The following PGAP1 variants were observed in gnomAD, a reference collection of about 807,000 sequenced individuals.
PGAP1 encodes GPI inositol-deacylase.
A neutral mutation model predicts 127.0 loss-of-function variants in PGAP1; 76 were observed. The ratio of observed to expected loss-of-function variants is 0.60; its 90% CI spans 0.50 to 0.72. The LOEUF is 0.72. PGAP1 is among the 30% of genes least tolerant of loss of function. The probability of loss-of-function intolerance (pLI) is 0.00; values close to 1 mark genes in which losing one functional copy is unlikely to be tolerated. For synonymous variants in PGAP1, 362 were observed against 366.5 expected (o/e 0.99, Z 0.14); for missense variants, 982 against 1,071.3 (o/e 0.92, Z 1.16).
At chr2:196,922,956 C>T (rs1291073634) in intron 1 of PGAP1, among the ~76,000 whole-genome samples, 1 of 151,994 alleles carries the variant, frequency 6.6e-6, no homozygotes, top group East Asian at 1.9e-4. Flanking sequence ...TCCCAAAGTG[C>T]TAGGATTACA....
At chr2:196,865,337 AG>A (rs1360431290) in intron 19 of PGAP1, among the ~76,000 whole-genome samples, 1 of 152,214 alleles carries the variant, frequency 6.6e-6, no homozygotes, top group Admixed American at 6.5e-5. Flanking sequence ...ACTGTTTTTC[AG>A]AACACACTGA....
At position 196,838,652 on chromosome 2, in the gene PGAP1, A is replaced by T. The variant is rs1007944464; in HGVS notation, c.*2582T>A. Reference sequence around the variant, plus strand: ...TCATTTTTGTAGTCCTTAAAATGAAATTTTTTTTGGCATAAATAATACTTT... The same window carrying T: ...TCATTTTTGTAGTCCTTAAAATGAATTTTTTTTTGGCATAAATAATACTTT... On this transcript the variant is annotated 3_prime_UTR_variant, in exon 27 of 27. Transcript: ENST00000354764. 6.6e-6 allele frequency: 1 copy of T among 152,054 alleles called. No homozygotes were observed. Among genetic ancestry groups the T allele is most frequent in the Non-Finnish European group, 1.5e-5 (1 of 68,000 alleles). 9.4% of individuals were successfully genotyped at this position (152,054 alleles called of 1,614,324 possible).
intron 11 of PGAP1, 137 bp from the exon 12 acceptor site, chr2:196,885,612 G>C (rs567570965): frequency 1.5e-6 from 1 of 647,824 alleles, no homozygotes; most frequent in South Asian, 3.4e-5. Flanking sequence ...AATATACTCT[G>C]TCCACATATT....
At chr2:196,890,736 G>A (rs1345321792) in intron 10 of PGAP1, 92 bp downstream of exon 10, 1 of 692,798 alleles carries the variant, frequency 1.4e-6, no homozygotes, top group Non-Finnish European at 2.5e-6. Context: ...AGATTTAATA[G>A]TAATATTTCA....
At chr2:196,920,866 G>A (rs955487118) in intron 1 of PGAP1, among the ~76,000 whole-genome samples, 1 of 152,014 alleles carries the variant, frequency 6.6e-6, no homozygotes, top group African/African-American at 2.4e-5. Flanking sequence ...CAATAATACA[G>A]CAGCTCACCT....
chr2:196,890,949 G>A (rs1358725325), intron 9 of PGAP1, 38 bp from the exon 10 acceptor site: 2 of 1,020,414 alleles, frequency 2.0e-6, no homozygotes, highest in East Asian at 2.4e-5. Flanking sequence ...TAGCTGTAAT[G>A]AGCAGATTAG....
Position 196,913,030 on chromosome 2 carries a change from A to G in PGAP1, c.501T>C (p.Ser167=). The change falls in exon 4 of 27, where the codon AGT becomes AGC. Residue 167 remains serine, a synonymous_variant. Transcript: ENST00000354764. ...CCATAGAATGACCAATTATTGCCAC[A>G]CTTTTTGGAGCAAATTCTTGACCCT... ...LYKGQEFAPK[S]VAIIGHSMGG... 1 of 1,609,674 alleles carries G rather than the reference A, an allele frequency of 6.2e-7. No individual in the cohort carries two copies. The highest frequency in any genetic ancestry group is 1.3e-5 in the African/African-American group (1 of 74,836).
At chr2:196,891,147 T>C (rs1213411211) in intron 9 of PGAP1, among the ~76,000 whole-genome samples, 1 of 152,174 alleles carries the variant, frequency 6.6e-6, no homozygotes, top group East Asian at 1.9e-4. Context: ...TACTTTTTTG[T>C]TGTTGTTTTA....
intron 1 of PGAP1, chr2:196,922,052 A>T: frequency 1.2e-6 from 1 of 856,976 alleles, no homozygotes; most frequent in Non-Finnish European, 1.5e-6. Flanking sequence ...TTTTTATTCT[A>T]TGTAGTTTAT....
In PGAP1 at chr2:196,847,220, T is replaced by C. The variant is rs780018069; in HGVS notation, c.1953-20A>G. On this transcript the variant is annotated intron_variant, in intron 21 of 26. Transcript: ENST00000354764. ...TTATACCTGTGGAGAAAAGAAAATA[T>C]AAAAGCAAAAAACCCAACAACTGAA... 6.4e-7 allele frequency: 1 copy of C among 1,573,318 alleles called. No individual in the cohort carries two copies. Among genetic ancestry groups the C allele is most frequent in the Non-Finnish European group, 8.6e-7 (1 of 1,156,546 alleles).
At chr2:196,864,493 G>T (rs995324562) in intron 20 of PGAP1, among the ~76,000 whole-genome samples, 1 of 149,456 alleles carries the variant, frequency 6.7e-6, no homozygotes, top group African/African-American at 2.5e-5. Flanking sequence ...CCCTTTTTAC[G>T]TCATAAATAC....
intron 9 of PGAP1, 92 bp downstream of exon 9, chr2:196,892,254 T>C (rs1702122661): frequency 1.6e-6 from 1 of 615,660 alleles, no homozygotes; most frequent in Non-Finnish European, 2.9e-6. Context: ...GGCATGCAGT[T>C]ATCTTGTTTA....
chr2:196,855,517 G>A (rs1287799258), intron 20 of PGAP1, among the ~76,000 whole-genome samples: 6 of 151,882 alleles, frequency 4.0e-5, no homozygotes, highest in African/African-American at 1.2e-4. Flanking sequence ...ACTGCTAATC[G>A]AAATCAAGCA....
intron 5 of PGAP1, among the ~76,000 whole-genome samples, chr2:196,900,091 G>A (rs1292519475): frequency 6.6e-6 from 1 of 152,200 alleles, no homozygotes; most frequent in Admixed American, 6.5e-5. Context: ...TGGTATGTGA[G>A]CAGGAGTGAT....
At chr2:196,924,444 T>A (rs1203093668) in intron 1 of PGAP1, among the ~76,000 whole-genome samples, 2 of 152,174 alleles carry the variant, frequency 1.3e-5, no homozygotes, top group Non-Finnish European at 2.9e-5. Context: ...TATCCAGAAA[T>A]CTCACTATGT....
chr2:196,844,544 A>C lies in PGAP1; in HGVS notation c.2317T>G (p.Phe773Val). The C allele has an allele frequency of 6.3e-7, 1 of 1,598,876 alleles. No homozygotes were observed. The highest frequency in any genetic ancestry group is 8.5e-7 in the Non-Finnish European group (1 of 1,174,682). The stretch of plus-strand genomic sequence containing the variant: ...CTTACCACAGGCTGGCTATTCTTAA[A>C]AGTTGTTAAGCTGGCTTGCAGATGA... ...VVHLQASLTT[F>V]KNSQPVNPKH... is the part of the protein sequence containing the mutation. The change falls in exon 24 of 27, where the codon TTT becomes GTT. Residue 773 changes from phenylalanine to valine, a missense_variant. Phe to Val is a conservative substitution (Grantham distance 50). Coordinates refer to ENST00000354764, the MANE Select transcript of PGAP1 (RefSeq NM_024989.4).
At chr2:196,923,553 T>C (rs1382578461) in intron 1 of PGAP1, among the ~76,000 whole-genome samples, 2 of 152,206 alleles carry the variant, frequency 1.3e-5, no homozygotes, top group Admixed American at 6.5e-5. Flanking sequence ...CCCTTTCACC[T>C]ACACCAAGTA....
chr2:196,872,965 A>G lies in PGAP1; in HGVS notation c.1614T>C (p.Ile538=), dbSNP rs1290619735. The G allele has an allele frequency of 2.0e-6, 2 of 1,016,786 alleles. No individual in the cohort carries two copies. The highest frequency in any genetic ancestry group is 3.0e-6 in the Non-Finnish European group (2 of 672,600). The allele number at this position is 1,016,786 out of a possible 1,614,324, so 63.0% of individuals were successfully genotyped here. ...AAATTCTTTCAAATACTTACTGTGC[A>G]ATGGTTAGTGAATCTTCATAAGACC... is the stretch of plus-strand genomic sequence containing the variant. The part of the protein sequence containing the change: ...IPWSYEDSLT[I]AQAPSSTEIS... Residue 538 remains isoleucine, a synonymous_variant, in exon 17 of 27, where the codon ATT becomes ATC. Coordinates refer to ENST00000354764, the MANE Select transcript of PGAP1 (RefSeq NM_024989.4).
In PGAP1 at chr2:196,842,800, G is replaced by A. The variant is rs765007097; in HGVS notation, c.2551C>T (p.Pro851Ser). ...AGGATAAATGCCAAAGGTTTACATG[G>A]ATCAGGATTAAGTTTAAAATAATAC... ...LRYYFKLNPD[P>S]CKPLAFILIP... Residue 851 changes from proline (P) to serine (S), a missense_variant, in exon 26 of 27, where the codon CCA (proline) becomes TCA (serine). Transcript: ENST00000354764. 1.5e-5 allele frequency: 24 copies of A among 1,567,576 alleles called. No individual in the cohort carries two copies. The highest frequency in any genetic ancestry group is 8.7e-7 in the Non-Finnish European group (1 of 1,150,154).
Sources: allele counts gnomAD v4.1 joint callset (sites outside exome capture counted in the v4.1 genomes callset), GRCh38; gene constraint gnomAD v4.1.1; transcripts MANE v1.5; gene names NCBI Gene and HGNC (gene_info 2026-07-23, HGNC 2026-07-21).